The following OMA1 variants were observed in gnomAD, a reference collection of about 807,000 sequenced individuals.
OMA1 encodes OMA1 zinc metallopeptidase.
A neutral mutation model predicts 30.9 loss-of-function variants in OMA1; 38 were observed. That is an observed-to-expected ratio of 1.23 (90% CI 0.95 to 1.61). OMA1 has a LOEUF of 1.61. Ranked by LOEUF, OMA1 falls within the 40% of genes most tolerant of loss-of-function variation. OMA1 has a pLI of 0.00. For missense variants in OMA1, 461 were observed against 349.2 expected, an observed-to-expected ratio of 1.32 and a Z score of -2.55; for synonymous variants, 173 against 121.9, an observed-to-expected ratio of 1.42 and a Z score of -2.76.
At chr1:58,515,987 T>A (rs1463508873) in intron 7 of OMA1, among the ~76,000 whole-genome samples, 1 of 152,206 alleles carries the variant, frequency 6.6e-6, no homozygotes, top group Non-Finnish European at 1.5e-5. Context: ...CCTAATGCCC[T>A]CACTAGATGG....
chr1:58,545,981 C>T (rs936289288), intron 1 of OMA1, among the ~76,000 whole-genome samples: 1 of 152,168 alleles, frequency 6.6e-6, no homozygotes, highest in Non-Finnish European at 1.5e-5. Flanking sequence ...GAGGGTTGCA[C>T]GACCTTGATC....
intron 7 of OMA1, among the ~76,000 whole-genome samples, chr1:58,511,338 A>C (rs1316292659): frequency 6.6e-6 from 1 of 152,148 alleles, no homozygotes; most frequent in East Asian, 1.9e-4. Context: ...CAGATCTTTG[A>C]TGAGGGTACC....
Position 58,490,795 on chromosome 1 carries a change from C to CTTTTTTT in OMA1, c.1366-9628_1366-9622dup, listed in dbSNP as rs148145860. On this transcript the variant is annotated intron_variant, in intron 8 of 8. Coordinates refer to ENST00000371226, the MANE Select transcript of OMA1 (RefSeq NM_145243.5). Reference sequence around the variant, plus strand: ...AGAGTGGGGGCCAATAGTCAACATTCTTTTTTTTTTTTTTTTTTTTTTTTT... The same window carrying CTTTTTTT: ...AGAGTGGGGGCCAATAGTCAACATTCTTTTTTTTTTTTTTTTTTTTTTTTTTTTTTTT... Among the ~76,000 whole-genome samples the CTTTTTTT allele has an allele frequency of 7.6e-4, 45 of 59,272 alleles. 3 individuals carry two copies. The highest frequency in any genetic ancestry group is 1.9e-3 in the South Asian group (2 of 1,032). The allele number at this position is 59,272 out of a possible 152,430, so 38.9% of individuals were successfully genotyped here.
chr1:58,493,328 T>C (rs1013926140), intron 8 of OMA1, among the ~76,000 whole-genome samples: 10 of 152,140 alleles, frequency 6.6e-5, no homozygotes, highest in East Asian at 1.9e-4. Context: ...TGGGCAAAAA[T>C]TGGAAGCATT....
intron 1 of OMA1, chr1:58,542,407 C>T (rs1646636565): frequency 6.6e-6 from 1 of 152,104 alleles, no homozygotes. Flanking sequence ...AGGTTATAAT[C>T]TAGTTGGGGA....
At chr1:58,521,198 G>A (rs1646256870) in intron 7 of OMA1, among the ~76,000 whole-genome samples, 1 of 151,956 alleles carries the variant, frequency 6.6e-6, no homozygotes, top group South Asian at 2.1e-4. Flanking sequence ...TAACCCATGG[G>A]TCAAAGAAGA....
In OMA1 at chr1:58,480,944, T is replaced by C. The variant is rs1222265337; in HGVS notation, c.*21A>G. The C allele has an allele frequency of 2.3e-6, 2 of 852,744 alleles. No homozygotes were observed. The highest frequency in any genetic ancestry group is 4.1e-6 in the Non-Finnish European group (2 of 492,752). 52.8% of individuals were successfully genotyped at this position (852,744 alleles called of 1,614,324 possible). A position where few individuals can be genotyped will look rare whatever the true frequency, so the allele number is the denominator to read the frequency against. Reference sequence around the variant, plus strand: ...AGGACTGCAACATTCTTCATATATCTTGTGTCTCATAAATTTTAATTCAAC... The same window carrying C: ...AGGACTGCAACATTCTTCATATATCCTGTGTCTCATAAATTTTAATTCAAC... On this transcript the variant is annotated 3_prime_UTR_variant, in exon 9 of 9. Transcript: ENST00000371226.
intron 8 of OMA1, among the ~76,000 whole-genome samples, chr1:58,501,448 A>G (rs1048739921): frequency 1.3e-5 from 2 of 152,106 alleles, no homozygotes; most frequent in African/African-American, 4.8e-5. Flanking sequence ...TCCCTCCACT[A>G]TTGTCCCATC....
intron 1 of OMA1, among the ~76,000 whole-genome samples, chr1:58,542,046 C>G (rs561594480): frequency 6.6e-6 from 1 of 152,148 alleles, no homozygotes; most frequent in African/African-American, 2.4e-5. Flanking sequence ...ATCTATATAT[C>G]AAACCATTTG....
At chr1:58,531,207 A>G (rs1646429407) in intron 5 of OMA1, among the ~76,000 whole-genome samples, 1 of 152,180 alleles carries the variant, frequency 6.6e-6, no homozygotes, top group African/African-American at 2.4e-5. Context: ...TTGGATAAAG[A>G]CTAAACACTA....
At chr1:58,536,045 C>G (rs1167132031) in intron 3 of OMA1, among the ~76,000 whole-genome samples, 1 of 151,784 alleles carries the variant, frequency 6.6e-6, no homozygotes, top group Non-Finnish European at 1.5e-5. Flanking sequence ...GAAAGACAAT[C>G]AAAAAAATAA....
intron 8 of OMA1, among the ~76,000 whole-genome samples, chr1:58,504,610 T>C (rs1201548926): frequency 1.3e-5 from 2 of 152,220 alleles, no homozygotes; most frequent in Non-Finnish European, 2.9e-5. Context: ...GAAAACAGAC[T>C]GTTTTGTTCC....
At chr1:58,504,148 C>T (rs1645950235) in intron 8 of OMA1, among the ~76,000 whole-genome samples, 1 of 152,198 alleles carries the variant, frequency 6.6e-6, no homozygotes, top group African/African-American at 2.4e-5. Flanking sequence ...CACTCCTCTG[C>T]TCAATATCCT....
chr1:58,499,512 A>G (rs1645867084), intron 8 of OMA1, among the ~76,000 whole-genome samples: 1 of 151,940 alleles, frequency 6.6e-6, no homozygotes, highest in African/African-American at 2.4e-5. Flanking sequence ...ATAGATAAAT[A>G]GATAGATAGA....
intron 8 of OMA1, among the ~76,000 whole-genome samples, chr1:58,485,972 T>C (rs906248504): frequency 5.9e-5 from 9 of 152,208 alleles, no homozygotes; most frequent in Admixed American, 2.6e-4. Context: ...CTGAGAATCC[T>C]GAGGAAGATT....
intron 8 of OMA1, among the ~76,000 whole-genome samples, chr1:58,502,626 G>A (rs1451265940): frequency 2.0e-5 from 3 of 152,166 alleles, no homozygotes; most frequent in African/African-American, 7.2e-5. Flanking sequence ...TCAAAATGTA[G>A]TAGTAGTATA....
chr1:58,517,864 C>T (rs1646181580), intron 7 of OMA1, among the ~76,000 whole-genome samples: 1 of 151,840 alleles, frequency 6.6e-6, no homozygotes, highest in African/African-American at 2.4e-5. Context: ...AAATTCTGGT[C>T]AATGTCTTCT....
chr1:58,482,802 T>G (rs1479715172), intron 8 of OMA1, among the ~76,000 whole-genome samples: 1 of 151,936 alleles, frequency 6.6e-6, no homozygotes, highest in East Asian at 1.9e-4. Context: ...CTGGGGTGTT[T>G]TGGAACAGTG....
At chr1:58,503,150 T>C (rs968273775) in intron 8 of OMA1, among the ~76,000 whole-genome samples, 6 of 152,144 alleles carry the variant, frequency 3.9e-5, no homozygotes, top group Non-Finnish European at 7.4e-5. Context: ...ATTATCCAAT[T>C]AAACAAACCA....
Sources: allele counts gnomAD v4.1 joint callset (sites outside exome capture counted in the v4.1 genomes callset), GRCh38; gene constraint gnomAD v4.1.1; transcripts MANE v1.5; gene names NCBI Gene and HGNC (gene_info 2026-07-23, HGNC 2026-07-21).